Variants in ELAVL2 observed in about 807,000 individuals in gnomAD.
ELAVL2 encodes ELAV-like protein 2.
A neutral mutation model predicts 34.6 loss-of-function variants in ELAVL2; 4 were observed. The observed-to-expected ratio is 0.12, with a 90% CI of 0.06 to 0.26. ELAVL2 has a LOEUF of 0.26. Among genes scored for constraint, ELAVL2 ranks in the 10% least tolerant of loss-of-function variants. ELAVL2 has a pLI of 1.00. For missense variants in ELAVL2, 432 were observed against 442.8 expected (o/e 0.98, Z 0.22); for synonymous variants, 193 against 154.8 (o/e 1.25, Z -1.83).
intron 1 of ELAVL2, among the ~76,000 whole-genome samples, chr9:23,785,665 C>T (rs947443421): frequency 5.3e-5 from 8 of 152,118 alleles, no homozygotes; most frequent in Non-Finnish European, 5.9e-5. Context: ...GAATCAGTCA[C>T]GACATAGAAA....
intron 1 of ELAVL2, among the ~76,000 whole-genome samples, chr9:23,802,609 G>C (rs1204223219): frequency 6.6e-6 from 1 of 152,180 alleles, no homozygotes; most frequent in Non-Finnish European, 1.5e-5. Flanking sequence ...GGCTAATCCA[G>C]TGGTTCTCAA....
chr9:23,712,855 T>C (rs1038149003), intron 3 of ELAVL2, among the ~76,000 whole-genome samples: 10 of 152,222 alleles, frequency 6.6e-5, no homozygotes, highest in African/African-American at 2.2e-4. Flanking sequence ...TCCTATGACA[T>C]TGTTAAAGAC....
chr9:23,771,013 A>G (rs2057208072), intron 1 of ELAVL2, among the ~76,000 whole-genome samples: 2 of 152,196 alleles, frequency 1.3e-5, no homozygotes, highest in African/African-American at 4.8e-5. Flanking sequence ...CCATAACAAA[A>G]AAGGAAACTA....
At chr9:23,832,656 T>G in the ELAVL2 span, among the ~76,000 whole-genome samples, 2 of 152,172 alleles carry the variant, frequency 1.3e-5, no homozygotes, top group Non-Finnish European at 2.9e-5. Flanking sequence ...CAAGGGCATT[T>G]ACATTTTAAG....
intron 3 of ELAVL2, among the ~76,000 whole-genome samples, chr9:23,707,090 C>T (rs2039567819): frequency 6.6e-6 from 1 of 152,158 alleles, no homozygotes; most frequent in Non-Finnish European, 1.5e-5. Context: ...ACATACATAA[C>T]TATTCATACG....
chr9:23,811,538 T>C (rs762517571), intron 1 of ELAVL2, among the ~76,000 whole-genome samples: 1 of 152,218 alleles, frequency 6.6e-6, no homozygotes, highest in Non-Finnish European at 1.5e-5. Flanking sequence ...CCAGCTTCTG[T>C]CCTGTTACTT....
intron 3 of ELAVL2, among the ~76,000 whole-genome samples, chr9:23,716,272 A>G (rs1183298297): frequency 6.6e-6 from 1 of 152,050 alleles, no homozygotes; most frequent in East Asian, 1.9e-4. Flanking sequence ...TATATAACAA[A>G]CCTGCACGTT....
intron 3 of ELAVL2, among the ~76,000 whole-genome samples, chr9:23,719,688 A>G (rs970164199): frequency 6.6e-5 from 10 of 152,184 alleles, no homozygotes; most frequent in Non-Finnish European, 1.0e-4. Flanking sequence ...GGAAGCTCTT[A>G]TAATAGAGCA....
chr9:23,708,382 GCA>G (rs1288535694), intron 3 of ELAVL2, among the ~76,000 whole-genome samples: 3 of 152,122 alleles, frequency 2.0e-5, no homozygotes, highest in East Asian at 3.9e-4. Flanking sequence ...GGGGAAACAG[GCA>G]CAGACAAGGT....
Position 23,825,918 on chromosome 9 carries a change from A to G in ELAVL2, c.-128T>C, listed in dbSNP as rs1020157951. On this transcript the variant is annotated 5_prime_UTR_variant, in exon 1 of 7. Transcript: ENST00000397312. Reference sequence around the variant, plus strand: ...GTTCTCTTAAGACAGCACGAAACCTAAACTGTGCTCGGCTTAAAAGAAGCA... The same window carrying G: ...GTTCTCTTAAGACAGCACGAAACCTGAACTGTGCTCGGCTTAAAAGAAGCA... 1.3e-5 allele frequency: 2 copies of G among 152,212 alleles called. No homozygotes were observed. Among genetic ancestry groups the G allele is most frequent in the African/African-American group, 4.8e-5 (2 of 41,468 alleles). The allele number at this position is 152,212 out of a possible 1,614,324, so 9.4% of individuals were successfully genotyped here.
chr9:23,757,756 C>T (rs1280800893), intron 2 of ELAVL2, among the ~76,000 whole-genome samples: 1 of 152,022 alleles, frequency 6.6e-6, no homozygotes, highest in East Asian at 1.9e-4. Context: ...TGACAAATAA[C>T]ATAATAAATA....
chr9:23,759,579 T>C (rs925283869), intron 2 of ELAVL2, among the ~76,000 whole-genome samples: 5 of 151,626 alleles, frequency 3.3e-5, no homozygotes, highest in African/African-American at 9.7e-5. Context: ...AAATTATGAA[T>C]GTTTGAGATT....
intron 1 of ELAVL2, among the ~76,000 whole-genome samples, chr9:23,780,828 A>G (rs1213832666): frequency 6.6e-6 from 1 of 152,208 alleles, no homozygotes; most frequent in Non-Finnish European, 1.5e-5. Context: ...GGCAAGTCAC[A>G]ACACTATGTA....
At chr9:23,751,834 T>C (rs867558002) in intron 2 of ELAVL2, among the ~76,000 whole-genome samples, 1 of 152,124 alleles carries the variant, frequency 6.6e-6, no homozygotes, top group East Asian at 1.9e-4. Flanking sequence ...CAATACCACA[T>C]AGAGCAATAA....
chr9:23,694,997 T>A (rs2034623184), intron 5 of ELAVL2, among the ~76,000 whole-genome samples: 1 of 152,120 alleles, frequency 6.6e-6, no homozygotes, highest in South Asian at 2.1e-4. Context: ...TTACCAAAAT[T>A]ATGGTCAACT....
intron 1 of ELAVL2, among the ~76,000 whole-genome samples, chr9:23,784,547 G>A (rs749760138): frequency 3.3e-5 from 5 of 152,166 alleles, no homozygotes; most frequent in Non-Finnish European, 2.9e-5. Flanking sequence ...TGTACCCTGA[G>A]GAATGTCATC....
At chr9:23,704,886 G>A (rs764157725) in intron 4 of ELAVL2, 32 bp downstream of exon 4, 10 of 1,611,750 alleles carry the variant, frequency 6.2e-6, no homozygotes, top group Non-Finnish European at 7.6e-6. Flanking sequence ...TCAGAGACAG[G>A]GAAAGACTGT....
intron 1 of ELAVL2, among the ~76,000 whole-genome samples, chr9:23,770,991 C>A (rs2136300265): frequency 6.6e-6 from 1 of 152,148 alleles, no homozygotes; most frequent in Admixed American, 6.5e-5. Flanking sequence ...ACACATAGGG[C>A]CTTGAAGGCC....
intron 2 of ELAVL2, chr9:23,735,424 T>C (rs10966055): frequency 0.2 from 29,918 of 152,082 alleles, 3,146 homozygotes; most frequent in Admixed American, 0.27. Context: ...ATTACAGGCA[T>C]GCATCACCAC....
Sources: gnomAD v4.1 joint callset for allele counts (sites outside exome capture counted in the v4.1 genomes callset) on GRCh38, gnomAD v4.1.1 for gene constraint, MANE v1.5 for transcripts, NCBI Gene and HGNC (gene_info 2026-07-23, HGNC 2026-07-21) for gene names.